MYO18B: variants seen among roughly 807,000 people sequenced by gnomAD.
The protein encoded by MYO18B is myosin XVIIIB.
A neutral mutation model predicts 273.0 loss-of-function variants in MYO18B; 204 were observed. The observed-to-expected ratio is 0.75, with a 90% CI of 0.67 to 0.84. The LOEUF (loss-of-function observed/expected upper bound fraction) is 0.84. Among genes scored for constraint, MYO18B ranks in the 40% least tolerant of loss-of-function variants. The probability of loss-of-function intolerance (pLI) is 0.00; values close to 1 mark genes in which losing one functional copy is unlikely to be tolerated. For synonymous variants in MYO18B, 1,330 were observed against 1,305.7 expected (o/e 1.02, Z -0.40); for missense variants, 3,212 against 3,287.6 (o/e 0.98, Z 0.56).
intron 40 of MYO18B, among the ~76,000 whole-genome samples, chr22:26,000,979 T>C (rs1933898868): frequency 1.3e-5 from 2 of 152,212 alleles, no homozygotes; most frequent in African/African-American, 2.4e-5. Flanking sequence ...TTATTTGTCC[T>C]TGTGGCTAGT....
rs73154187 is a variant in MYO18B, at chr22:26,026,535, A to T, written c.6561A>T (p.Ser2187=). ...CCACCAATGTCCACAGCAAGACCTC[A>T]GGAGACAAGCCTGTTTCTCCCCACT... ...ARSTNVHSKT[S]GDKPVSPHFV... Residue 2187 remains serine, a synonymous_variant, in exon 43 of 44, where the codon TCA becomes TCT. Transcript: ENST00000335473. 6.2e-3 allele frequency: 10,036 copies of T among 1,613,936 alleles called. 51 individuals are homozygous for T. The highest frequency in any genetic ancestry group is 7.2e-3 in the Non-Finnish European group (8,537 of 1,179,888).
rs538941703 is a variant in MYO18B at position 25,825,210 on chromosome 22, T to C, written c.2696-1199T>C. On this transcript the variant is annotated intron_variant, in intron 13 of 43. Coordinates refer to ENST00000335473, the MANE Select transcript of MYO18B (RefSeq NM_032608.7). Reference sequence around the variant, plus strand: ...ACCTCTCAGGCTGAGGTCTCAAGAGTAGACATTAAGCAGGCAGGGGACCTT... The same window carrying C: ...ACCTCTCAGGCTGAGGTCTCAAGAGCAGACATTAAGCAGGCAGGGGACCTT... 9.9e-5 allele frequency among the ~76,000 whole-genome samples: 15 copies of C among 151,812 alleles called. No homozygotes were observed. In the South Asian group the frequency reaches 1.9e-3, roughly 19 times the overall value.
Position 26,026,970 on chromosome 22 carries a change from C to G in MYO18B, c.6996C>G (p.Asp2332Glu). ...RSTSLKCISSDGVGGTTLLPE... is the reference protein window; with the variant it reads ...RSTSLKCISSEGVGGTTLLPE... ...CCAGCCTCAAATGCATCTCTTCAGA[C>G]GGTGTTGGGGGCACAACCCTACTCC... is the stretch of plus-strand genomic sequence containing the variant. Residue 2332 changes from aspartate (D) to glutamate (E), a missense_variant, in exon 43 of 44, where the codon GAC becomes GAG. Coordinates refer to ENST00000335473, the MANE Select transcript of MYO18B (RefSeq NM_032608.7). 2.5e-6 allele frequency: 4 copies of G among 1,613,878 alleles called. No individual in the cohort carries two copies. Among genetic ancestry groups the G allele is most frequent in the Non-Finnish European group, 3.4e-6 (4 of 1,179,876 alleles).
At chr22:25,899,478 G>A (rs1233845008) in intron 29 of MYO18B, 1 of 152,164 alleles carries the variant, frequency 6.6e-6, no homozygotes, top group Non-Finnish European at 1.5e-5. Flanking sequence ...CAAGAAGTAG[G>A]AAGGAGAATT....
At chr22:25,980,115 C>A (rs1343066030) in intron 39 of MYO18B, among the ~76,000 whole-genome samples, 1 of 152,176 alleles carries the variant, frequency 6.6e-6, no homozygotes, top group Non-Finnish European at 1.5e-5. Context: ...CACCCCGTGA[C>A]TGAGCAATCT....
At chr22:25,821,139 G>T (rs965945612) in intron 12 of MYO18B, among the ~76,000 whole-genome samples, 4 of 152,148 alleles carry the variant, frequency 2.6e-5, no homozygotes, top group African/African-American at 9.7e-5. Context: ...TAAACATGGG[G>T]TACAGATGTC....
rs552773984 is a variant in MYO18B, at chr22:25,795,375, C to T, written c.2377-2578C>T. Reference sequence around the variant, plus strand: ...AACATATATATTTATTGATCCATGTCTTCTGTTCAGAAAAAAGACATTGGG... The same window carrying T: ...AACATATATATTTATTGATCCATGTTTTCTGTTCAGAAAAAAGACATTGGG... On this transcript the variant is annotated intron_variant, in intron 11 of 43. Coordinates refer to ENST00000335473, the MANE Select transcript of MYO18B (RefSeq NM_032608.7). 7.2e-5 allele frequency among the ~76,000 whole-genome samples: 11 copies of T among 152,280 alleles called. No homozygotes were observed. The South Asian group carries it at 1.9e-3, about 26-fold the overall frequency.
At chr22:25,827,532 G>A (rs954028880) in intron 14 of MYO18B, among the ~76,000 whole-genome samples, 3 of 152,202 alleles carry the variant, frequency 2.0e-5, no homozygotes, top group Non-Finnish European at 2.9e-5. Flanking sequence ...CTAGGCAAAG[G>A]CTTGCCTTCC....
chr22:25,926,410 G>A (rs187491813), intron 34 of MYO18B, among the ~76,000 whole-genome samples: 2 of 151,538 alleles, frequency 1.3e-5, no homozygotes, highest in African/African-American at 2.4e-5. Context: ...TCAGCCTTCC[G>A]AGTAGCTGGG....
At position 25,921,169 on chromosome 22, in the gene MYO18B, A is replaced by G. The variant is rs565219676; in HGVS notation, c.5365-88A>G. ...ACACGGTGTGAGTGGCAGAGGCAGG[A>G]TTTAAACCAGGGAACCTGATTCCGG... On this transcript the variant is annotated intron_variant, in intron 33 of 43. Coordinates refer to ENST00000335473, the MANE Select transcript of MYO18B (RefSeq NM_032608.7). 1,222 of 1,381,432 alleles carry G rather than the reference A, an allele frequency of 8.8e-4. 22 individuals are homozygous for G. In the South Asian group the frequency reaches 0.016, roughly 18 times the overall value. 85.6% of individuals were successfully genotyped at this position (1,381,432 alleles called of 1,614,324 possible). A position where few individuals can be genotyped will look rare whatever the true frequency, so the allele number is the denominator to read the frequency against.
Position 25,768,206 on chromosome 22 carries a change from G to A in MYO18B, c.290G>A (p.Ser97Asn). 6.2e-7 allele frequency: 1 copy of A among 1,614,012 alleles called. No homozygotes were observed. The highest frequency in any genetic ancestry group is 8.5e-7 in the Non-Finnish European group (1 of 1,179,892). The change falls in exon 4 of 44, where the codon AGC (serine) becomes AAC (asparagine). Residue 97 changes from serine (S) to asparagine (N), a missense_variant. Coordinates refer to ENST00000335473, the MANE Select transcript of MYO18B (RefSeq NM_032608.7). ...CAGATCTCTCAGGACGACCAGTCAA[G>A]CTCTCCTGGGAGCTCAGACATTCTG... The part of the protein sequence containing the change: ...SQQISQDDQS[S>N]SPGSSDILGK...
intron 33 of MYO18B, among the ~76,000 whole-genome samples, chr22:25,912,687 C>T (rs1048696539): frequency 3.3e-5 from 5 of 152,170 alleles, no homozygotes; most frequent in African/African-American, 1.2e-4. Context: ...ATTTCTTATT[C>T]AGATGTTTTT....
At chr22:25,836,065 C>T (rs1218023858) in intron 17 of MYO18B, among the ~76,000 whole-genome samples, 1 of 152,132 alleles carries the variant, frequency 6.6e-6, no homozygotes, top group Non-Finnish European at 1.5e-5. Flanking sequence ...AGGTAGAAAC[C>T]TCTGGAAGTG....
intron 42 of MYO18B, among the ~76,000 whole-genome samples, chr22:26,006,045 A>G (rs1200411890): frequency 6.6e-6 from 1 of 152,226 alleles, no homozygotes; most frequent in East Asian, 1.9e-4. Context: ...AACTATGAGG[A>G]CTTTATCTCT....
chr22:25,929,035 G>A (rs896123981), intron 34 of MYO18B, among the ~76,000 whole-genome samples: 3 of 152,018 alleles, frequency 2.0e-5, no homozygotes, highest in Non-Finnish European at 4.4e-5. Context: ...GATGGCGCAT[G>A]CCTGTAATCC....
chr22:25,869,095 C>T (rs554551598), intron 22 of MYO18B, among the ~76,000 whole-genome samples: 23 of 152,042 alleles, frequency 1.5e-4, no homozygotes, highest in African/African-American at 5.3e-4. Flanking sequence ...AAGTGGGGCA[C>T]GGAGATTGTA....
chr22:26,038,687 C>T, the MYO18B span, among the ~76,000 whole-genome samples: 1 of 152,156 alleles, frequency 6.6e-6, no homozygotes, highest in African/African-American at 2.4e-5. Flanking sequence ...GATTACACCA[C>T]GAAATTTTCC....
intron 36 of MYO18B, among the ~76,000 whole-genome samples, chr22:25,950,137 A>C (rs1486098049): frequency 6.6e-6 from 1 of 152,178 alleles, no homozygotes; most frequent in Non-Finnish European, 1.5e-5. Flanking sequence ...AATGCTGGAC[A>C]GTGGACCAAA....
intron 34 of MYO18B, among the ~76,000 whole-genome samples, chr22:25,944,925 T>C (rs2092687445): frequency 6.6e-6 from 1 of 151,088 alleles, no homozygotes; most frequent in African/African-American, 2.4e-5. Context: ...GGTATGTGCA[T>C]GAATATGGGT....
Sources: allele counts gnomAD v4.1 joint callset (sites outside exome capture counted in the v4.1 genomes callset), GRCh38; gene constraint gnomAD v4.1.1; transcripts MANE v1.5; gene names NCBI Gene and HGNC (gene_info 2026-07-23, HGNC 2026-07-21).